Variants in NPR3 observed in about 807,000 individuals in gnomAD.
NPR3 encodes the protein atrial natriuretic peptide receptor 3.
NPR3 carries 34 observed loss-of-function variants against 54.5 expected under a neutral mutation model. That is an observed-to-expected ratio of 0.62 (90% CI 0.47 to 0.83). The LOEUF (loss-of-function observed/expected upper bound fraction) is 0.83, where lower values mean the gene tolerates loss of function less well. NPR3 is among the 40% of genes least tolerant of loss of function. NPR3 has a pLI of 0.00. For synonymous variants in NPR3, 289 were observed against 297.1 expected, an observed-to-expected ratio of 0.97 and a Z score of 0.28; for missense variants, 674 against 720.8, an observed-to-expected ratio of 0.94 and a Z score of 0.74.
At chr5:32,729,190 C>G (rs991138062) in intron 2 of NPR3, among the ~76,000 whole-genome samples, 6 of 151,510 alleles carry the variant, frequency 4.0e-5, no homozygotes, top group African/African-American at 1.5e-4. Flanking sequence ...CCACTACGCC[C>G]GGCTAATTTT....
rs1256638485 is a variant in NPR3, at chr5:32,729,027, T to TTTG, written c.892+4210_892+4212dup. Among the ~76,000 whole-genome samples, 82 of 96,380 alleles carry TTTG rather than the reference T, an allele frequency of 8.5e-4. 3 individuals carry two copies. Among genetic ancestry groups the TTTG allele is most frequent in the African/African-American group, 4.0e-3 (80 of 20,006 alleles). 63.2% of individuals were successfully genotyped at this position (96,380 alleles called of 152,430 possible). On this transcript the variant is annotated intron_variant, in intron 2 of 7. Coordinates refer to ENST00000265074, the MANE Select transcript of NPR3 (RefSeq NM_001204375.2). ...GTGTGCCTGTGTGTTTTTTTTTTTT[T>TTTG]TTGTTTTGTTTTTTTTTTTTGAGAC...
intron 4 of NPR3, among the ~76,000 whole-genome samples, chr5:32,777,353 C>T (rs1392381504): frequency 6.6e-6 from 1 of 152,194 alleles, no homozygotes; most frequent in African/African-American, 2.4e-5. Flanking sequence ...TAACTAGTAA[C>T]CTTGTCCTCT....
intron 4 of NPR3, among the ~76,000 whole-genome samples, chr5:32,777,067 C>G (rs1279368915): frequency 6.6e-6 from 1 of 152,132 alleles, no homozygotes; most frequent in Non-Finnish European, 1.5e-5. Context: ...GTGGCTGACA[C>G]CAAGTTTGAC....
chr5:32,773,278 T>G (rs1320449221), intron 3 of NPR3, among the ~76,000 whole-genome samples: 1 of 152,224 alleles, frequency 6.6e-6, no homozygotes, highest in Non-Finnish European at 1.5e-5. Context: ...TTTGTAAACC[T>G]CTTGGTGTTT....
In NPR3 at chr5:32,782,904, T is replaced by C. The variant is rs1262493102; in HGVS notation, c.1302T>C (p.Asp434=). The C allele has an allele frequency of 1.2e-6, 2 of 1,611,294 alleles. No individual in the cohort carries two copies. Among genetic ancestry groups the C allele is most frequent in the Admixed American group, 3.3e-5 (2 of 59,704 alleles). ...TTGCCTCTATATAGGTTATTGGTGA[T>C]TATTTTGGAAAAGAAGGTCGTTTTG... ...VEAGTQEVIG[D]YFGKEGRFEM... The change falls in exon 6 of 8, where the codon GAT becomes GAC. Residue 434 remains aspartate (D), a synonymous_variant. Transcript: ENST00000265074.
intron 3 of NPR3, among the ~76,000 whole-genome samples, chr5:32,773,766 TATC>T (rs1741892459): frequency 6.6e-6 from 1 of 152,210 alleles, no homozygotes; most frequent in South Asian, 2.1e-4. Flanking sequence ...GCCCACATAA[TATC>T]ATGATAGCAT....
At chr5:32,740,380 T>C (rs1190588401) in intron 3 of NPR3, among the ~76,000 whole-genome samples, 3 of 152,264 alleles carry the variant, frequency 2.0e-5, no homozygotes, top group African/African-American at 4.8e-5. Context: ...TTTTGTACCA[T>C]TGTTGCAAGA....
chr5:32,724,748 G>A lies in NPR3; in HGVS notation c.820G>A (p.Ala274Thr), dbSNP rs933468549. The change falls in exon 2 of 8, where the codon GCG (alanine) becomes ACG (threonine). Residue 274 changes from alanine (A) to threonine (T), a missense_variant. Physicochemically the swap from Ala to Thr is moderately conservative, Grantham distance 58 (BLOSUM62 0). Transcript: ENST00000265074. ...CACCATCCGGAGCATCATGCTGGTGGCGCACAGGCATGGCATGACCAGTGG... is the reference window on the plus strand; with the variant it reads ...CACCATCCGGAGCATCATGCTGGTGACGCACAGGCATGGCATGACCAGTGG... ...SDTIRSIMLV[A>T]HRHGMTSGDY... 15 of 1,613,780 alleles carry A rather than the reference G, an allele frequency of 9.3e-6. No homozygotes were observed. The highest frequency in any genetic ancestry group is 4.4e-5 in the South Asian group (4 of 91,080).
In NPR3 at chr5:32,774,836, A is replaced by G; in HGVS notation, c.1188A>G (p.Thr396=). Residue 396 remains threonine (T), a synonymous_variant, in exon 4 of 8, where the codon ACA becomes ACG. Coordinates refer to ENST00000265074, the MANE Select transcript of NPR3 (RefSeq NM_001204375.2). ...TTATACAGCAGACTTGGAACAGAAC[A>G]TTTGAAGGTGGGGATTCCATCTATA... ...GKIIQQTWNR[T]FEGIAGQVSI... is the part of the protein sequence containing the mutation. 6.2e-7 allele frequency: 1 copy of G among 1,611,580 alleles called. No individual in the cohort carries two copies. Among genetic ancestry groups the G allele is most frequent in the Non-Finnish European group, 8.5e-7 (1 of 1,177,682 alleles).
chr5:32,765,195 T>G (rs1170147630), intron 3 of NPR3, among the ~76,000 whole-genome samples: 5 of 152,188 alleles, frequency 3.3e-5, no homozygotes, highest in Non-Finnish European at 7.3e-5. Context: ...AGTCTTCCCC[T>G]TGGCAGCAGC....
chr5:32,770,249 G>A (rs571961787), intron 3 of NPR3, among the ~76,000 whole-genome samples: 1 of 151,806 alleles, frequency 6.6e-6, no homozygotes, highest in South Asian at 2.1e-4. Flanking sequence ...GGGCAACATG[G>A]TGAAACCACA....
intron 3 of NPR3, among the ~76,000 whole-genome samples, chr5:32,756,524 T>C (rs1489469168): frequency 2.0e-5 from 3 of 152,234 alleles, no homozygotes; most frequent in African/African-American, 7.2e-5. Flanking sequence ...GATGAGTAGA[T>C]TGCAAAAATT....
chr5:32,704,943 A>G (rs993967241), upstream of NPR3, among the ~76,000 whole-genome samples: 1 of 152,266 alleles, frequency 6.6e-6, no homozygotes, highest in Non-Finnish European at 1.5e-5. Context: ...GTTGAAGTGC[A>G]TATAAGTGGT....
In NPR3 at chr5:32,789,114, G is replaced by C. The variant is rs1241456852; in HGVS notation, c.*2769G>C. 3 of 192,430 alleles carry C rather than the reference G, an allele frequency of 1.6e-5. No homozygotes were observed. Among genetic ancestry groups the C allele is most frequent in the Non-Finnish European group, 3.3e-5 (3 of 91,990 alleles). 11.9% of individuals were successfully genotyped at this position (192,430 alleles called of 1,614,324 possible). On this transcript the variant is annotated 3_prime_UTR_variant, in exon 8 of 8. Transcript: ENST00000265074. ...CTTTAGTTCTTAAGTAATTCTATAG[G>C]ATTTTACCCTGAAATCCAGGGTGTT...
intron 3 of NPR3, among the ~76,000 whole-genome samples, chr5:32,769,472 T>C (rs1009941022): frequency 1.1e-4 from 17 of 152,164 alleles, no homozygotes; most frequent in Admixed American, 2.0e-4. Flanking sequence ...ATCTCTTCTC[T>C]TACCTACTTT....
At chr5:32,749,407 T>A (rs908834296) in intron 3 of NPR3, among the ~76,000 whole-genome samples, 1 of 152,242 alleles carries the variant, frequency 6.6e-6, no homozygotes, top group Non-Finnish European at 1.5e-5. Flanking sequence ...TTTTATATTA[T>A]AAACTTTTCC....
chr5:32,740,419 T>C (rs1221590421), intron 3 of NPR3, among the ~76,000 whole-genome samples: 1 of 152,238 alleles, frequency 6.6e-6, no homozygotes, highest in Non-Finnish European at 1.5e-5. Flanking sequence ...GAATTTGTTA[T>C]CAAATGACAT....
chr5:32,727,111 G>A (rs1000555546), intron 2 of NPR3, among the ~76,000 whole-genome samples: 8 of 152,092 alleles, frequency 5.3e-5, no homozygotes, highest in Admixed American at 2.0e-4. Flanking sequence ...TGGCTCAAAG[G>A]TTATGTGCAT....
rs1281206029 is a variant in NPR3 at position 32,711,866 on chromosome 5, C to T, written c.90C>T (p.Gly30=). Residue 30 remains glycine (G), a synonymous_variant, in exon 1 of 8, where the codon GGC becomes GGT. Transcript: ENST00000265074. ...LAGGTGGGGV[G]GGGGGAGIGG... ...GCGGCACCGGTGGCGGTGGCGTTGG[C>T]GGCGGCGGCGGTGGCGCGGGCATAG... is the stretch of plus-strand genomic sequence containing the variant. The T allele has an allele frequency of 2.8e-6, 4 of 1,451,502 alleles. No individual in the cohort carries two copies. In the East Asian group the frequency reaches 7.8e-5, roughly 28 times the overall value. 89.9% of individuals were successfully genotyped at this position (1,451,502 alleles called of 1,614,324 possible). A position where few individuals can be genotyped will look rare whatever the true frequency, so the allele number is the denominator to read the frequency against.
Sources: gnomAD v4.1 joint callset for allele counts (sites outside exome capture counted in the v4.1 genomes callset) on GRCh38, gnomAD v4.1.1 for gene constraint, MANE v1.5 for transcripts, NCBI Gene and HGNC (gene_info 2026-07-23, HGNC 2026-07-21) for gene names.